VPS13A: variants seen among roughly 807,000 people sequenced by gnomAD.
VPS13A encodes vacuolar protein sorting 13 homolog A.
In VPS13A, 264 loss-of-function variants were observed where a neutral mutation model predicts 390.9. The ratio of observed to expected loss-of-function variants is 0.68; its 90% CI spans 0.61 to 0.75. The LOEUF (loss-of-function observed/expected upper bound fraction) is 0.75, where lower values mean the gene tolerates loss of function less well. VPS13A is among the 30% of genes least tolerant of loss of function. The pLI is 0.00. For missense variants in VPS13A, 3,409 were observed against 3,733.9 expected (o/e 0.91, Z 2.27); for synonymous variants, 1,231 against 1,227.1 (o/e 1.00, Z -0.07).
chr9:77,206,793 A>G (rs1825663844), intron 5 of VPS13A, among the ~76,000 whole-genome samples: 1 of 152,174 alleles, frequency 6.6e-6, no homozygotes. Flanking sequence ...TTCATTTAAT[A>G]GTTAAACATC....
chr9:77,276,102 A>G lies in VPS13A; in HGVS notation c.2705A>G (p.Glu902Gly). ...TTTTATCACCTTGTTGGAGATTGTG[A>G]ACTATCTGTGGTAGAAATTCTTGTT... Reference protein sequence around the residue: ...IEFYHLVGDCELSVVEILVLG... With the variant: ...IEFYHLVGDCGLSVVEILVLG... Residue 902 changes from glutamate to glycine, a missense_variant, in exon 26 of 72, where the codon GAA (glutamate) becomes GGA (glycine). Glu to Gly is a moderately conservative substitution (Grantham distance 98). This residue lies in a region of VPS13A where 2,717 missense variants were observed against 2,917.4 expected (regional missense o/e 0.93). Transcript: ENST00000360280. The G allele has an allele frequency of 3.1e-6, 5 of 1,612,832 alleles. No individual in the cohort carries two copies. Among genetic ancestry groups the G allele is most frequent in the Non-Finnish European group, 4.2e-6 (5 of 1,179,596 alleles).
chr9:77,343,925 A>G (rs1830986653), intron 50 of VPS13A, among the ~76,000 whole-genome samples: 2 of 152,190 alleles, frequency 1.3e-5, no homozygotes, highest in South Asian at 2.1e-4. Context: ...TTCACTTACC[A>G]TAGCTCTTCA....
At chr9:77,226,707 T>G in intron 15 of VPS13A, 109 bp downstream of exon 15, 1 of 960,602 alleles carries the variant, frequency 1.0e-6, no homozygotes, top group Non-Finnish European at 1.5e-6. Flanking sequence ...TTTATTTAAT[T>G]ATATATAAAG....
At position 77,360,642 on chromosome 9, in the gene VPS13A, G is replaced by C; in HGVS notation, c.8211+1G>C. ...AGCTGAGGTGACTGAAAATACAGAG[G>C]TAAGACTTAAAATAATAACATTTGA... On this transcript the variant is annotated splice_donor_variant, in intron 59 of 71. Transcript: ENST00000360280. LOFTEE classifies it high-confidence loss of function. 3 of 1,596,200 alleles carry C rather than the reference G, an allele frequency of 1.9e-6. No homozygotes were observed. The highest frequency in any genetic ancestry group is 8.6e-7 in the Non-Finnish European group (1 of 1,164,402).
At position 77,260,228 on chromosome 9, in the gene VPS13A, A is replaced by T; in HGVS notation, c.2427+4A>T. ...TGCCCCTGTCAAATCATTCCAGGTA[A>T]TGTTACTTTCAAAATTAATATAAGC... On this transcript the variant is annotated splice_donor_region_variant and intron_variant, in intron 23 of 71. Transcript: ENST00000360280. 1 of 1,612,638 alleles carries T rather than the reference A, an allele frequency of 6.2e-7. No homozygotes were observed. The highest frequency in any genetic ancestry group is 8.5e-7 in the Non-Finnish European group (1 of 1,179,336).
At chr9:77,371,888 G>A (rs1354235316) in intron 67 of VPS13A, among the ~76,000 whole-genome samples, 10 of 136,544 alleles carry the variant, frequency 7.3e-5, no homozygotes, top group Non-Finnish European at 1.6e-4. Flanking sequence ...ACCTATGAGT[G>A]AGAATATGCG....
At chr9:77,303,666 G>C (rs1469114714) in intron 34 of VPS13A, among the ~76,000 whole-genome samples, 1 of 152,108 alleles carries the variant, frequency 6.6e-6, no homozygotes, top group African/African-American at 2.4e-5. Flanking sequence ...TGGTAATAAG[G>C]AGAAGGTCAG....
chr9:77,361,188 G>A (rs1180647192), intron 59 of VPS13A, among the ~76,000 whole-genome samples: 1 of 152,068 alleles, frequency 6.6e-6, no homozygotes, highest in Non-Finnish European at 1.5e-5. Context: ...GACTTTTAAT[G>A]TATTCACAAA....
At chr9:77,298,891 C>CTGCCGCTGTGTAAGATG (rs1311097137) in intron 33 of VPS13A, among the ~76,000 whole-genome samples, 3 of 152,118 alleles carry the variant, frequency 2.0e-5, no homozygotes, top group Non-Finnish European at 4.4e-5. Flanking sequence ...CTCTTTTTGC[C>CTGCCGCTGTGTAAGATG]TGCCGCTGTG....
chr9:77,209,582 T>C, intron 6 of VPS13A, 50 bp downstream of exon 6: 1 of 1,207,604 alleles, frequency 8.3e-7, no homozygotes, highest in Non-Finnish European at 1.2e-6. Context: ...ATGTAAGTTA[T>C]TTTACTATTT....
At chr9:77,271,432 T>C (rs551368372) in intron 23 of VPS13A, among the ~76,000 whole-genome samples, 12 of 152,198 alleles carry the variant, frequency 7.9e-5, no homozygotes, top group Non-Finnish European at 1.5e-4. Flanking sequence ...ATACTTACCA[T>C]ATGACTTGGG....
chr9:77,230,494 C>T (rs1029861431), intron 17 of VPS13A, among the ~76,000 whole-genome samples: 9 of 151,970 alleles, frequency 5.9e-5, no homozygotes, highest in African/African-American at 2.2e-4. Context: ...CTATTTTTTC[C>T]CATTGAATGA....
At position 77,421,216 on chromosome 9, in the gene VPS13A, T is replaced by A. The variant is rs1835329076; in HGVS notation, c.*5210T>A. 6.6e-6 allele frequency: 1 copy of A among 152,230 alleles called. No individual in the cohort carries two copies. Among genetic ancestry groups the A allele is most frequent in the Non-Finnish European group, 1.5e-5 (1 of 68,030 alleles). The allele number at this position is 152,230 out of a possible 1,614,324, so 9.4% of individuals were successfully genotyped here. On this transcript the variant is annotated 3_prime_UTR_variant, in exon 72 of 72. Transcript: ENST00000360280. Reference sequence around the variant, plus strand: ...AATTTTAAAAATATCTATTTCTGCATCGCTGCAGGATTTCCTACACTTTTC... The same window carrying A: ...AATTTTAAAAATATCTATTTCTGCAACGCTGCAGGATTTCCTACACTTTTC...
chr9:77,273,429 A>C (rs1337893621), intron 24 of VPS13A, 65 bp downstream of exon 24: 17 of 1,361,500 alleles, frequency 1.2e-5, no homozygotes, highest in Non-Finnish European at 1.5e-5. Context: ...TTTGAGGCAT[A>C]TTTTTCTCAA....
intron 68 of VPS13A, among the ~76,000 whole-genome samples, chr9:77,394,242 T>TC (rs1211895982): frequency 6.6e-6 from 1 of 151,780 alleles, no homozygotes; most frequent in Non-Finnish European, 1.5e-5. Context: ...TTTTTTTTTT[T>TC]TTTCTGTAGA....
intron 29 of VPS13A, among the ~76,000 whole-genome samples, chr9:77,282,764 A>G (rs1827112835): frequency 6.6e-6 from 1 of 152,100 alleles, no homozygotes; most frequent in South Asian, 2.1e-4. Flanking sequence ...CCTGGGCAAC[A>G]TAGCAAGACC....
chr9:77,227,551 C>T (rs1823585683), intron 16 of VPS13A, 66 bp downstream of exon 16: 1 of 1,285,704 alleles, frequency 7.8e-7, no homozygotes, highest in African/African-American at 1.5e-5. Flanking sequence ...GAGACAGGGT[C>T]TCACTCTGTT....
Position 77,226,172 on chromosome 9 carries a change from A to G in VPS13A, c.1224+184A>G, listed in dbSNP as rs139176730. Among the ~76,000 whole-genome samples the G allele has an allele frequency of 4.8e-3, 729 of 152,232 alleles. 6 individuals carry two copies. Among genetic ancestry groups the G allele is most frequent in the African/African-American group, 0.017 (690 of 41,568 alleles). On this transcript the variant is annotated intron_variant, in intron 14 of 71. Coordinates refer to ENST00000360280, the MANE Select transcript of VPS13A (RefSeq NM_033305.3). ...ATCCATTTAAATCAGACAGATTTCTATGGGAAAAAATCTTTCTAAATATTT... is the reference window on the plus strand; with the variant it reads ...ATCCATTTAAATCAGACAGATTTCTGTGGGAAAAAATCTTTCTAAATATTT...
At position 77,321,254 on chromosome 9, in the gene VPS13A, G is replaced by A; in HGVS notation, c.5501G>A (p.Ser1834Asn). ...GTGCCAGAATATAAAACTGTCATCA[G>A]TTTCCATTCAAAAGACCAATTAAAC... ...YKVPEYKTVI[S>N]FHSKDQLNIT... The change falls in exon 43 of 72, where the codon AGT becomes AAT. Residue 1834 changes from serine to asparagine, a missense_variant. Ser to Asn is a conservative substitution (Grantham distance 46). Coordinates refer to ENST00000360280, the MANE Select transcript of VPS13A (RefSeq NM_033305.3). 6.2e-7 allele frequency: 1 copy of A among 1,611,764 alleles called. No individual in the cohort carries two copies. The highest frequency in any genetic ancestry group is 8.5e-7 in the Non-Finnish European group (1 of 1,178,628).
Sources: gnomAD v4.1 joint callset for allele counts (sites outside exome capture counted in the v4.1 genomes callset) on GRCh38, gnomAD v4.1.1 for gene constraint, gnomAD v4.1.1 regional missense constraint, MANE v1.5 for transcripts, NCBI Gene and HGNC (gene_info 2026-07-23, HGNC 2026-07-21) for gene names.